The following SOX6 variants were observed in gnomAD, a reference collection of about 807,000 sequenced individuals.
SOX6 encodes the protein SRY-box transcription factor 6.
A neutral mutation model predicts 97.8 loss-of-function variants in SOX6; 11 were observed. The observed-to-expected ratio is 0.11, with a 90% CI of 0.07 to 0.19. The LOEUF is 0.19. Among genes scored for constraint, SOX6 ranks in the 10% least tolerant of loss-of-function variants. SOX6 has a pLI of 1.00. For missense variants in SOX6, 810 were observed against 1,039.5 expected, an observed-to-expected ratio of 0.78 and a Z score of 3.04; for synonymous variants, 360 against 371.4, an observed-to-expected ratio of 0.97 and a Z score of 0.35.
chr11:16,562,455 G>A (rs1290230469), intron 4 of SOX6, among the ~76,000 whole-genome samples: 1 of 152,114 alleles, frequency 6.6e-6, no homozygotes, highest in Non-Finnish European at 1.5e-5. Context: ...CAGGAAAGAG[G>A]CAGCTTTTAG....
intron 4 of SOX6, among the ~76,000 whole-genome samples, chr11:16,487,754 G>A (rs966216257): frequency 1.3e-5 from 2 of 152,072 alleles, no homozygotes; most frequent in African/African-American, 4.8e-5. Context: ...AGCTAAAGAT[G>A]GTCAATTTTA....
At chr11:16,253,481 TAG>T (rs1435434953) in intron 3 of SOX6, among the ~76,000 whole-genome samples, 1 of 151,884 alleles carries the variant, frequency 6.6e-6, no homozygotes, top group Non-Finnish European at 1.5e-5. Context: ...GTAGAAAAAG[TAG>T]AGAGTATGCA....
chr11:16,621,309 C>T (rs531165983), intron 3 of SOX6, among the ~76,000 whole-genome samples: 9 of 152,236 alleles, frequency 5.9e-5, no homozygotes, highest in Non-Finnish European at 1.0e-4. Context: ...ATCTGAGCTA[C>T]TTCCAAATGT....
chr11:16,671,811 T>C (rs1847849606), intron 3 of SOX6, among the ~76,000 whole-genome samples: 1 of 152,110 alleles, frequency 6.6e-6, no homozygotes, highest in Non-Finnish European at 1.5e-5. Context: ...TCCTGAAAGA[T>C]TCTACACAAG....
rs1473907274 is a variant in SOX6 at position 15,971,980 on chromosome 11, T to C, written c.*829A>G. On this transcript the variant is annotated 3_prime_UTR_variant, in exon 16 of 16. Coordinates refer to ENST00000683767, the MANE Select transcript of SOX6 (RefSeq NM_001367873.1). Reference sequence around the variant, plus strand: ...AAGACCACTCTGTCGATATCTGGTGTGGCGGTTGCTCTGGTGTGTGTATGT... The same window carrying C: ...AAGACCACTCTGTCGATATCTGGTGCGGCGGTTGCTCTGGTGTGTGTATGT... 1 of 152,638 alleles carries C rather than the reference T, an allele frequency of 6.6e-6. No individual in the cohort carries two copies. The highest frequency in any genetic ancestry group is 2.4e-5 in the African/African-American group (1 of 41,432). The allele number at this position is 152,638 out of a possible 1,614,324, so 9.5% of individuals were successfully genotyped here. A position where few individuals can be genotyped will look rare whatever the true frequency, so the allele number is the denominator to read the frequency against.
At chr11:16,545,933 C>A (rs1847615861) in intron 4 of SOX6, among the ~76,000 whole-genome samples, 1 of 152,098 alleles carries the variant, frequency 6.6e-6, no homozygotes. Context: ...GCTTGGGTGA[C>A]ACAGCAGGAC....
chr11:16,601,132 T>C (rs1848264130), intron 4 of SOX6, among the ~76,000 whole-genome samples: 1 of 152,174 alleles, frequency 6.6e-6, no homozygotes, highest in East Asian at 1.9e-4. Flanking sequence ...CAGCAGTGAA[T>C]GTTCATTTTT....
chr11:16,380,142 A>C (rs942272776), intron 1 of SOX6, among the ~76,000 whole-genome samples: 3 of 151,938 alleles, frequency 2.0e-5, no homozygotes, highest in African/African-American at 7.2e-5. Flanking sequence ...GTATTGCCTA[A>C]ATTTCTTCTA....
chr11:16,214,892 G>A (rs975288105), intron 4 of SOX6, among the ~76,000 whole-genome samples: 3 of 151,672 alleles, frequency 2.0e-5, no homozygotes, highest in Non-Finnish European at 4.4e-5. Flanking sequence ...CGGGATGACA[G>A]GCACACACCA....
At chr11:16,637,652 A>G (rs1478615886) in intron 3 of SOX6, among the ~76,000 whole-genome samples, 1 of 152,216 alleles carries the variant, frequency 6.6e-6, no homozygotes, top group Non-Finnish European at 1.5e-5. Flanking sequence ...GCAATAGACA[A>G]TGGATCGAAT....
intron 4 of SOX6, among the ~76,000 whole-genome samples, chr11:16,527,483 AG>A (rs1410121104): frequency 2.0e-5 from 3 of 152,114 alleles, no homozygotes; most frequent in Non-Finnish European, 4.4e-5. Flanking sequence ...AACATGTCTT[AG>A]AAGCCTAACA....
chr11:16,503,959 C>T (rs916751811), intron 4 of SOX6, among the ~76,000 whole-genome samples: 3 of 151,934 alleles, frequency 2.0e-5, no homozygotes, highest in African/African-American at 4.8e-5. Flanking sequence ...AGGAGAATTG[C>T]ATGAACCCAG....
intron 3 of SOX6, chr11:16,252,265 A>G (rs1273139615): frequency 6.6e-6 from 1 of 152,184 alleles, no homozygotes; most frequent in African/African-American, 2.4e-5. Flanking sequence ...AATAAACTGA[A>G]AAGTCAACAG....
chr11:16,153,326 G>A (rs1312727736), intron 6 of SOX6, among the ~76,000 whole-genome samples: 1 of 151,948 alleles, frequency 6.6e-6, no homozygotes, highest in South Asian at 2.1e-4. Flanking sequence ...CTTTTTTAAG[G>A]AAAAAAAGTC....
intron 4 of SOX6, among the ~76,000 whole-genome samples, chr11:16,203,026 T>C (rs985209173): frequency 2.6e-5 from 4 of 152,042 alleles, no homozygotes; most frequent in Non-Finnish European, 5.9e-5. Context: ...TGTTAGTAAA[T>C]ACTAATAAAA....
chr11:16,634,338 GA>G (rs529061108), intron 3 of SOX6, among the ~76,000 whole-genome samples: 124 of 143,452 alleles, frequency 8.6e-4, no homozygotes, highest in African/African-American at 2.4e-3. Flanking sequence ...AAAAATGGAA[GA>G]AAAAAAAAAC....
chr11:16,224,111 C>T (rs1852619106), intron 4 of SOX6, among the ~76,000 whole-genome samples: 2 of 151,944 alleles, frequency 1.3e-5, no homozygotes, highest in South Asian at 4.1e-4. Flanking sequence ...TAATTGGTGA[C>T]TATTTTCACA....
At chr11:16,087,902 C>A (rs1418929006) in intron 9 of SOX6, among the ~76,000 whole-genome samples, 1 of 151,912 alleles carries the variant, frequency 6.6e-6, no homozygotes, top group Non-Finnish European at 1.5e-5. Context: ...CTGTATAATT[C>A]TTTGCTGTGG....
At chr11:16,680,134 G>A (rs951526260) in intron 3 of SOX6, among the ~76,000 whole-genome samples, 2 of 152,110 alleles carry the variant, frequency 1.3e-5, no homozygotes, top group Non-Finnish European at 2.9e-5. Flanking sequence ...TCCGTGAGAA[G>A]AGCACCCCAA....
Sources: allele counts gnomAD v4.1 joint callset (sites outside exome capture counted in the v4.1 genomes callset), GRCh38; gene constraint gnomAD v4.1.1; transcripts MANE v1.5; gene names NCBI Gene and HGNC (gene_info 2026-07-23, HGNC 2026-07-21).